The following NFASC variants were observed in gnomAD, a reference collection of about 807,000 sequenced individuals.
NFASC encodes neurofascin.
In NFASC, 43 loss-of-function variants were observed where a neutral mutation model predicts 147.5. The ratio of observed to expected loss-of-function variants is 0.29; its 90% confidence interval spans 0.23 to 0.38. The LOEUF is 0.38. Ranked by LOEUF, NFASC falls within the 10% of genes least tolerant of loss-of-function variation. NFASC has a pLI of 1.00. For missense variants in NFASC, 1,320 were observed against 1,689.0 expected (o/e 0.78, Z 3.83); for synonymous variants, 622 against 665.5 (o/e 0.93, Z 1.01).
intron 7 of NFASC, among the ~76,000 whole-genome samples, chr1:204,955,364 G>A (rs552531090): frequency 6.6e-6 from 1 of 152,230 alleles, no homozygotes; most frequent in Non-Finnish European, 1.5e-5. Flanking sequence ...GAAGGGATTA[G>A]GGGAGAAGAG....
At chr1:204,834,582 C>T (rs1486175481) in intron 1 of NFASC, among the ~76,000 whole-genome samples, 1 of 152,154 alleles carries the variant, frequency 6.6e-6, no homozygotes, top group East Asian at 1.9e-4. Flanking sequence ...AAAGGCCTCC[C>T]TGGCAGCCCC....
At chr1:204,974,129 A>T in intron 12 of NFASC, 50 bp from the exon 13 acceptor site, 1 of 1,460,332 alleles carries the variant, frequency 6.8e-7, no homozygotes, top group South Asian at 1.2e-5. Flanking sequence ...GGGGGAAGAG[A>T]TGGAAGAGTT....
At chr1:204,859,766 T>C (rs558851250) in intron 1 of NFASC, among the ~76,000 whole-genome samples, 13 of 152,250 alleles carry the variant, frequency 8.5e-5, no homozygotes, top group African/African-American at 3.1e-4. Flanking sequence ...AAAATAACCA[T>C]TTAAGACTTA....
chr1:204,855,134 C>T (rs1187524928), intron 1 of NFASC, among the ~76,000 whole-genome samples: 1 of 152,202 alleles, frequency 6.6e-6, no homozygotes, highest in East Asian at 1.9e-4. Context: ...CCACCTGACT[C>T]CAGCAACAGT....
At position 204,975,896 on chromosome 1, in the gene NFASC, C is replaced by T. The variant is rs549496012; in HGVS notation, c.1706+478C>T. On this transcript the variant is annotated intron_variant, in intron 15 of 29. Transcript: ENST00000339876. This position sits in a 1 kb window ranked among gnomAD's most constrained non-coding sequence, Gnocchi z 4.0. Reference sequence around the variant, plus strand: ...GCTTTTACCACACCCACGCCTGCCCCGCTCCTCAGACCCTGATTTCATTGG... The same window carrying T: ...GCTTTTACCACACCCACGCCTGCCCTGCTCCTCAGACCCTGATTTCATTGG... Among the ~76,000 whole-genome samples the T allele has an allele frequency of 3.3e-5, 5 of 152,276 alleles. No individual in the cohort carries two copies. Among genetic ancestry groups the T allele is most frequent in the Admixed American group, 6.5e-5 (1 of 15,302 alleles).
Position 204,976,681 on chromosome 1 carries a change from G to A in NFASC, c.1717G>A (p.Glu573Lys). The change falls in exon 16 of 30, where the codon GAA becomes AAA. Residue 573 changes from glutamate to lysine, a missense_variant. By Grantham distance (56) the Glu-to-Lys change is moderately conservative. Coordinates refer to ENST00000339876, the MANE Select transcript of NFASC (RefSeq NM_001005388.3). ...PLYIGNRMKKEDDSLTIFGVA... is the reference protein window; with the variant it reads ...PLYIGNRMKKKDDSLTIFGVA... ...TCGGTACCTTTGCAGGATGAAGAAG[G>A]AAGACGACTCCCTGACCATCTTTGG... The A allele has an allele frequency of 1.2e-6, 2 of 1,613,402 alleles. No individual in the cohort carries two copies. The highest frequency in any genetic ancestry group is 1.7e-5 in the Admixed American group (1 of 59,966).
At chr1:204,887,797 C>T (rs2081607156) in intron 1 of NFASC, among the ~76,000 whole-genome samples, 1 of 151,872 alleles carries the variant, frequency 6.6e-6, no homozygotes, top group Non-Finnish European at 1.5e-5. Flanking sequence ...AGGGTTTTGC[C>T]ATGTTGGCCA....
intron 1 of NFASC, among the ~76,000 whole-genome samples, chr1:204,900,138 T>A (rs1461876927): frequency 6.6e-6 from 1 of 152,066 alleles, no homozygotes; most frequent in Non-Finnish European, 1.5e-5. Context: ...GAATCAGACA[T>A]GAAAATGAAA....
chr1:204,995,426 G>A (rs1335153327), intron 24 of NFASC, among the ~76,000 whole-genome samples: 2 of 151,904 alleles, frequency 1.3e-5, no homozygotes, highest in Non-Finnish European at 2.9e-5. Flanking sequence ...TATATTCCAG[G>A]CCTGAGGCCA....
chr1:204,853,707 GA>G (rs1278437622), intron 1 of NFASC, among the ~76,000 whole-genome samples: 7 of 152,224 alleles, frequency 4.6e-5, no homozygotes, highest in Non-Finnish European at 1.0e-4. Context: ...ACTGAACTGA[GA>G]GAAGACTCTG....
At chr1:204,904,917 A>C (rs1359325800) in intron 1 of NFASC, among the ~76,000 whole-genome samples, 1 of 151,834 alleles carries the variant, frequency 6.6e-6, no homozygotes, top group Non-Finnish European at 1.5e-5. Flanking sequence ...CTTATTTATA[A>C]TAATATAATA....
chr1:204,980,485 A>G (rs1018934419), intron 20 of NFASC, 45 bp downstream of exon 20: 2 of 1,424,838 alleles, frequency 1.4e-6, no homozygotes, highest in African/African-American at 2.8e-5. Context: ...ACCTTGCCGC[A>G]TGCACCGGGA....
chr1:204,923,723 C>A (rs1346114564), intron 2 of NFASC, among the ~76,000 whole-genome samples: 2 of 151,862 alleles, frequency 1.3e-5, no homozygotes, highest in Non-Finnish European at 2.9e-5. Context: ...GCCCCTGAGG[C>A]AGGCACCTGA....
At position 204,954,329 on chromosome 1, in the gene NFASC, C is replaced by T. The variant is rs747218535; in HGVS notation, c.357C>T (p.Phe119=). The T allele has an allele frequency of 2.4e-5, 38 of 1,614,024 alleles. 1 individual carries two copies. The highest frequency in any genetic ancestry group is 3.3e-4 in the Middle Eastern group (2 of 6,076). Residue 119 remains phenylalanine, a synonymous_variant, in exon 6 of 30, where the codon TTC becomes TTT. Transcript: ENST00000339876. This position sits in a 1 kb window ranked among gnomAD's most constrained non-coding sequence, Gnocchi z 5.7. ...PEEYEGEYQC[F]ARNKFGTALS... ...AATATGAGGGGGAATATCAGTGCTT[C>T]GCCCGCAACAAATTTGGCACGGCCC...
intron 1 of NFASC, among the ~76,000 whole-genome samples, chr1:204,848,902 A>T (rs996294585): frequency 1.3e-5 from 2 of 152,380 alleles, no homozygotes; most frequent in African/African-American, 2.4e-5. Flanking sequence ...ATAATCTGCG[A>T]TAATACCACA....
At chr1:204,865,096 G>T (rs2077003683) in intron 1 of NFASC, among the ~76,000 whole-genome samples, 1 of 152,040 alleles carries the variant, frequency 6.6e-6, no homozygotes, top group South Asian at 2.1e-4. Flanking sequence ...ACCCATTTTT[G>T]ACTCAGTTTT....
rs768215997 is a variant in NFASC, at chr1:205,001,259, A to G, written c.3109A>G (p.Thr1037Ala). The G allele has an allele frequency of 6.2e-7, 1 of 1,611,976 alleles. No individual in the cohort carries two copies. The highest frequency in any genetic ancestry group is 2.2e-5 in the East Asian group (1 of 44,822). ...CTGGAAGCACAATTTCGGGCCCGGA[A>G]CTGACTTTGTGGTTGAGTACATCGA... is the stretch of plus-strand genomic sequence containing the variant. ...ITWKHNFGPG[T>A]DFVVEYIDSN... The change falls in exon 26 of 30, where the codon ACT (threonine) becomes GCT (alanine). Residue 1037 changes from threonine (T) to alanine (A), a missense_variant. Physicochemically the swap from Thr to Ala is moderately conservative, Grantham distance 58. Transcript: ENST00000339876.
At chr1:204,946,169 G>A (rs2093713265) in intron 3 of NFASC, 11 of 382,156 alleles carry the variant, frequency 2.9e-5, no homozygotes, top group Admixed American at 8.1e-5. Flanking sequence ...CGTTGTGTTC[G>A]CGGAAACTCA....
At chr1:205,007,488 AAAAG>A (rs1017608435) in intron 27 of NFASC, among the ~76,000 whole-genome samples, 10 of 151,204 alleles carry the variant, frequency 6.6e-5, no homozygotes, top group South Asian at 2.1e-4. Context: ...GGGAAGAGAA[AAAAG>A]AAAGGGAGGG....
Sources: allele counts gnomAD v4.1 joint callset (sites outside exome capture counted in the v4.1 genomes callset), GRCh38; gene constraint gnomAD v4.1.1; non-coding constraint Gnocchi (gnomAD v3.1); transcripts MANE v1.5; gene names NCBI Gene and HGNC (gene_info 2026-07-23, HGNC 2026-07-21).